TMEM63B: variants seen among roughly 807,000 people sequenced by gnomAD.
TMEM63B encodes the protein mechanosensitive cation channel TMEM63B.
TMEM63B carries 23 observed loss-of-function variants against 102.6 expected under a neutral mutation model. That is an observed-to-expected ratio of 0.22 (90% CI 0.16 to 0.32). TMEM63B has a LOEUF of 0.32. Among genes scored for constraint, TMEM63B ranks in the 10% least tolerant of loss-of-function variants. The pLI, the probability that TMEM63B is intolerant of heterozygous loss-of-function variation, is 1.00. For missense variants in TMEM63B, 628 were observed against 1,095.9 expected, an observed-to-expected ratio of 0.57 and a Z score of 6.03; for synonymous variants, 444 against 437.0, an observed-to-expected ratio of 1.02 and a Z score of -0.20.
chr6:44,153,927 T>C, intron 21 of TMEM63B, 84 bp downstream of exon 21: 1 of 1,575,084 alleles, frequency 6.3e-7, no homozygotes. Context: ...GCCGCATGGC[T>C]GGGGGTGGCA....
At chr6:44,145,100 C>A (rs1765073794) in intron 10 of TMEM63B, among the ~76,000 whole-genome samples, 1 of 151,614 alleles carries the variant, frequency 6.6e-6, no homozygotes, top group East Asian at 1.9e-4. Context: ...GATGGTGAAA[C>A]CCCATCTCTA....
In TMEM63B at chr6:44,154,199, A is replaced by AG. The variant is rs1211740024; in HGVS notation, c.2226+14dup. 6.2e-7 allele frequency: 1 copy of AG among 1,612,704 alleles called. No individual in the cohort carries two copies. ...GCCCACAACTACAAGGTGTGGGGCAAGGGTGGCAGGCGGATGGCTGCGGGC... is the reference window on the plus strand; with the variant it reads ...GCCCACAACTACAAGGTGTGGGGCAAGGGGTGGCAGGCGGATGGCTGCGGGC... On this transcript the variant is annotated intron_variant, in intron 22 of 23. Coordinates refer to ENST00000323267, the MANE Select transcript of TMEM63B (RefSeq NM_018426.3).
At chr6:44,145,538 G>C (rs1315655800) in intron 10 of TMEM63B, among the ~76,000 whole-genome samples, 1 of 152,208 alleles carries the variant, frequency 6.6e-6, no homozygotes, top group Admixed American at 6.5e-5. Context: ...GTTGTAGTGA[G>C]CCCAGATCAC....
intron 1 of TMEM63B, among the ~76,000 whole-genome samples, chr6:44,133,659 C>G (rs1175202472): frequency 6.6e-6 from 1 of 152,250 alleles, no homozygotes; most frequent in Non-Finnish European, 1.5e-5. Context: ...CCTGCCCACC[C>G]CATCCACTCT....
In TMEM63B at chr6:44,152,451, C is replaced by T; in HGVS notation, c.1837-142C>T. The T allele has an allele frequency of 1.5e-6, 1 of 666,872 alleles. No homozygotes were observed. Among genetic ancestry groups the T allele is most frequent in the East Asian group, 2.7e-5 (1 of 37,346 alleles). 41.3% of individuals were successfully genotyped at this position (666,872 alleles called of 1,614,324 possible). On this transcript the variant is annotated intron_variant, in intron 19 of 23. Transcript: ENST00000323267. This position sits in a 1 kb window ranked among gnomAD's most constrained non-coding sequence, Gnocchi z 6.4. ...CCTCTCTCCATCTGCTCTGCCCTAC[C>T]CTACCCTAGACATTAGGTCCTGTTC...
At chr6:44,129,807 C>A (rs1777929484) in intron 1 of TMEM63B, among the ~76,000 whole-genome samples, 1 of 152,146 alleles carries the variant, frequency 6.6e-6, no homozygotes, top group Admixed American at 6.5e-5. Context: ...ATTCCTAGAG[C>A]CCATTATATG....
At chr6:44,141,888 A>G in intron 10 of TMEM63B, among the ~76,000 whole-genome samples, 1 of 148,412 alleles carries the variant, frequency 6.7e-6, no homozygotes, top group East Asian at 2.0e-4. Context: ...TTGGGAGGCC[A>G]AAGTGGGCAG....
At chr6:44,153,600 A>C (rs1767294337) in intron 20 of TMEM63B, 76 bp from the exon 21 acceptor site, 2 of 1,538,634 alleles carry the variant, frequency 1.3e-6, no homozygotes, top group Non-Finnish European at 1.8e-6. Context: ...TCTCAGGACC[A>C]GAACAACCTG....
chr6:44,151,483 G>A (rs1273943172), intron 18 of TMEM63B, among the ~76,000 whole-genome samples: 1 of 152,118 alleles, frequency 6.6e-6, no homozygotes, highest in Non-Finnish European at 1.5e-5. Context: ...CTCGAGTTAT[G>A]GTCTAAGTGG....
At chr6:44,128,133 A>AT (rs1777567039) in intron 1 of TMEM63B, among the ~76,000 whole-genome samples, 1 of 151,334 alleles carries the variant, frequency 6.6e-6, no homozygotes, top group Non-Finnish European at 1.5e-5. Context: ...TGTGCCTTTT[A>AT]TTTTTTCTGC....
intron 23 of TMEM63B, 123 bp downstream of exon 23, chr6:44,154,568 C>A: frequency 1.4e-6 from 2 of 1,469,242 alleles, no homozygotes; most frequent in Non-Finnish European, 9.3e-7. Flanking sequence ...GAGAGCTGGT[C>A]TCCCTGGAGG....
intron 10 of TMEM63B, among the ~76,000 whole-genome samples, chr6:44,145,579 G>A (rs1765209641): frequency 6.6e-6 from 1 of 152,104 alleles, no homozygotes; most frequent in South Asian, 2.1e-4. Flanking sequence ...GTGACAGAGT[G>A]AGACTCCGTC....
At chr6:44,134,954 C>A in intron 2 of TMEM63B, 63 bp from the exon 3 acceptor site, 3 of 1,585,886 alleles carry the variant, frequency 1.9e-6, no homozygotes, top group East Asian at 4.5e-5. Context: ...TCTGCTTCTG[C>A]CCCCTAGTCC....
chr6:44,128,957 A>G (rs1398194249), intron 1 of TMEM63B, among the ~76,000 whole-genome samples: 1 of 151,900 alleles, frequency 6.6e-6, no homozygotes, highest in Non-Finnish European at 1.5e-5. Flanking sequence ...GTAACTAAGA[A>G]CCCCCTTGGA....
At chr6:44,139,897 T>C in intron 8 of TMEM63B, 138 bp downstream of exon 8, 3 of 1,077,584 alleles carry the variant, frequency 2.8e-6, no homozygotes, top group South Asian at 2.6e-5. Flanking sequence ...GGGCTTGGGT[T>C]GGAGACAGAA....
Position 44,148,188 on chromosome 6 carries a change from T to G in TMEM63B, c.988-64T>G. ...TAGGAAGCCCCAAGTCAGCGTGGGC[T>G]GGATGCTGCAGGCCCCAGCCTGGCT... On this transcript the variant is annotated intron_variant, in intron 12 of 23. Transcript: ENST00000323267. The surrounding 1 kb of genome is among the most constrained non-coding windows in gnomAD (Gnocchi z 5.1). The G allele has an allele frequency of 1.3e-6, 2 of 1,598,598 alleles. No individual in the cohort carries two copies. The highest frequency in any genetic ancestry group is 2.2e-5 in the South Asian group (2 of 89,876).
At chr6:44,128,270 C>CG (rs1777600879) in intron 1 of TMEM63B, among the ~76,000 whole-genome samples, 1 of 152,142 alleles carries the variant, frequency 6.6e-6, no homozygotes, top group South Asian at 2.1e-4. Flanking sequence ...GACTGGTCGG[C>CG]GGGCTGGAGA....
chr6:44,150,011 A>T lies in TMEM63B; in HGVS notation c.1520+46A>T. ...CCACACCTCGCTGTGGCCTGCCCTC[A>T]ATGACCCATCCTCTCTGGGCAGCAC... is the stretch of plus-strand genomic sequence containing the variant. On this transcript the variant is annotated intron_variant, in intron 16 of 23. Transcript: ENST00000323267. This position sits in a 1 kb window ranked among gnomAD's most constrained non-coding sequence, Gnocchi z 4.7. 6.4e-7 allele frequency: 1 copy of T among 1,565,404 alleles called. No homozygotes were observed. The highest frequency in any genetic ancestry group is 1.4e-5 in the African/African-American group (1 of 73,872).
intron 5 of TMEM63B, chr6:44,138,275 T>C: frequency 1.7e-6 from 1 of 592,150 alleles, no homozygotes. Context: ...TTAGTGTTGG[T>C]CTTTTTTCTT....
Sources: gnomAD v4.1 joint callset for allele counts (sites outside exome capture counted in the v4.1 genomes callset) on GRCh38, gnomAD v4.1.1 for gene constraint, Gnocchi (gnomAD v3.1) non-coding constraint, MANE v1.5 for transcripts, NCBI Gene and HGNC (gene_info 2026-07-23, HGNC 2026-07-21) for gene names.